Variants in MAN2A1 observed in about 807,000 individuals in gnomAD.
MAN2A1 encodes alpha-mannosidase 2.
MAN2A1 carries 76 observed loss-of-function variants against 142.6 expected under a neutral mutation model. The ratio of observed to expected loss-of-function variants is 0.53; its 90% CI spans 0.44 to 0.65. The LOEUF (loss-of-function observed/expected upper bound fraction) is 0.65. MAN2A1 is among the 30% of genes least tolerant of loss of function. The probability of loss-of-function intolerance (pLI) is 0.00; values close to 1 mark genes in which losing one functional copy is unlikely to be tolerated. For missense variants in MAN2A1, 1,311 were observed against 1,365.1 expected (o/e 0.96, Z 0.62); for synonymous variants, 559 against 473.2 (o/e 1.18, Z -2.35).
At chr5:109,707,133 A>G (rs2112553118) in intron 1 of MAN2A1, among the ~76,000 whole-genome samples, 2 of 152,322 alleles carry the variant, frequency 1.3e-5, no homozygotes, top group African/African-American at 4.8e-5. Flanking sequence ...TCACCAGGTC[A>G]TGGTTGTCAT....
At chr5:109,842,282 C>T (rs1438960485) in intron 16 of MAN2A1, 46 bp from the exon 17 acceptor site, 1 of 1,289,062 alleles carries the variant, frequency 7.8e-7, no homozygotes, top group Non-Finnish European at 1.1e-6. Flanking sequence ...AAAGGTGAGG[C>T]AAGTAATTTC....
rs115641698 is a variant in MAN2A1 at position 109,788,620 on chromosome 5, A to G, written c.1761-314A>G. On this transcript the variant is annotated intron_variant, in intron 10 of 21. Transcript: ENST00000261483. ...ATTGTTTTTTTGATAGAATGCTTCAAAGTTATTGGGGTGATCCTACTGGAT... is the reference window on the plus strand; with the variant it reads ...ATTGTTTTTTTGATAGAATGCTTCAGAGTTATTGGGGTGATCCTACTGGAT... Among the ~76,000 whole-genome samples the G allele has an allele frequency of 1.6e-3, 241 of 151,888 alleles. 1 individual carries two copies. The highest frequency in any genetic ancestry group is 5.2e-3 in the African/African-American group (218 of 41,526).
chr5:109,693,700 AC>A (rs770692702), intron 1 of MAN2A1, among the ~76,000 whole-genome samples: 25 of 151,636 alleles, frequency 1.6e-4, no homozygotes, highest in Non-Finnish European at 3.4e-4. Context: ...AGTTTCTCTC[AC>A]CCCGGAACAG....
chr5:109,722,843 A>G (rs1751642835), intron 3 of MAN2A1, among the ~76,000 whole-genome samples: 3 of 152,198 alleles, frequency 2.0e-5, no homozygotes, highest in Admixed American at 2.0e-4. Context: ...TTTTCTTTCT[A>G]ACAGTGTCTG....
At chr5:109,860,319 TA>T (rs1755723615) in intron 20 of MAN2A1, among the ~76,000 whole-genome samples, 1 of 152,198 alleles carries the variant, frequency 6.6e-6, no homozygotes, top group Admixed American at 6.5e-5. Context: ...ATGAGCACCC[TA>T]AAAAATGAAT....
chr5:109,717,890 T>C (rs1751498294), intron 3 of MAN2A1, among the ~76,000 whole-genome samples: 1 of 152,216 alleles, frequency 6.6e-6, no homozygotes, highest in Admixed American at 6.5e-5. Flanking sequence ...GAGTGCAGAT[T>C]AGTTAGTATA....
chr5:109,782,709 T>C (rs2112668660), intron 9 of MAN2A1, among the ~76,000 whole-genome samples: 1 of 152,246 alleles, frequency 6.6e-6, no homozygotes, highest in South Asian at 2.1e-4. Flanking sequence ...TTAAATACTA[T>C]TTCAAAAGCC....
At chr5:109,707,692 G>A (rs144174539) in intron 1 of MAN2A1, among the ~76,000 whole-genome samples, 1 of 152,270 alleles carries the variant, frequency 6.6e-6, no homozygotes, top group African/African-American at 2.4e-5. Flanking sequence ...CAGAGACCAT[G>A]TACAAAGGTT....
chr5:109,783,249 A>G (rs1753508511), intron 9 of MAN2A1, among the ~76,000 whole-genome samples: 1 of 152,174 alleles, frequency 6.6e-6, no homozygotes, highest in Admixed American at 6.5e-5. Flanking sequence ...AAACCATACA[A>G]TAGTTATGAC....
intron 7 of MAN2A1, among the ~76,000 whole-genome samples, chr5:109,773,631 G>C (rs183666099): frequency 1.3e-5 from 2 of 151,968 alleles, no homozygotes; most frequent in Admixed American, 1.3e-4. Context: ...ACATAAGGAC[G>C]CTGTGGTTAT....
In MAN2A1 at chr5:109,713,677, C is replaced by G. The variant is rs771924257; in HGVS notation, c.293C>G (p.Ala98Gly). Residue 98 changes from alanine (A) to glycine (G), a missense_variant, in exon 2 of 22, where the codon GCT (alanine) becomes GGT (glycine). Coordinates refer to ENST00000261483, the MANE Select transcript of MAN2A1 (RefSeq NM_002372.4). ...KSSQSNFSQG[A>G]GSHLLPSQLS... Reference sequence around the variant, plus strand: ...TCACAAAGCAATTTCAGCCAAGGTGCTGGCTCACATCTTCTGCCCTCACAA... The same window carrying G: ...TCACAAAGCAATTTCAGCCAAGGTGGTGGCTCACATCTTCTGCCCTCACAA... 30 of 1,614,204 alleles carry G rather than the reference C, an allele frequency of 1.9e-5. No individual in the cohort carries two copies. The South Asian group carries it at 2.6e-4, about 14-fold the overall frequency.
intron 4 of MAN2A1, among the ~76,000 whole-genome samples, chr5:109,731,623 G>T (rs10463428): frequency 0.18 from 26,138 of 148,100 alleles, 3,203 homozygotes; most frequent in East Asian, 0.64. Context: ...TTGGTTTTTT[G>T]TCCTTGCGAT....
At chr5:109,800,698 A>AT (rs1473413850) in intron 12 of MAN2A1, among the ~76,000 whole-genome samples, 3 of 152,174 alleles carry the variant, frequency 2.0e-5, no homozygotes, top group Admixed American at 2.0e-4. Context: ...AAATTCTGGG[A>AT]TTTTAACTTA....
chr5:109,709,736 G>A (rs774000939), intron 1 of MAN2A1, among the ~76,000 whole-genome samples: 3 of 152,120 alleles, frequency 2.0e-5, no homozygotes, highest in Admixed American at 6.6e-5. Flanking sequence ...CACTAAAAGC[G>A]GAGTAAATCA....
intron 12 of MAN2A1, among the ~76,000 whole-genome samples, chr5:109,810,560 A>T (rs896481802): frequency 1.3e-5 from 2 of 152,186 alleles, no homozygotes; most frequent in African/African-American, 4.8e-5. Flanking sequence ...TCGTAATGAA[A>T]AAATCAACTG....
intron 16 of MAN2A1, among the ~76,000 whole-genome samples, chr5:109,831,805 ATGTGTGTGTGTGTG>A (rs55738132): frequency 1.0e-4 from 15 of 144,770 alleles, no homozygotes; most frequent in African/African-American, 2.5e-4. Context: ...AACAAAAATC[ATGTGTGTGTGTGTG>A]TGTGTGTGTG....
At chr5:109,810,776 G>A (rs991467947) in intron 12 of MAN2A1, among the ~76,000 whole-genome samples, 11 of 152,128 alleles carry the variant, frequency 7.2e-5, no homozygotes, top group African/African-American at 2.7e-4. Context: ...TTTTTCTGTT[G>A]CCCTCAGGCA....
chr5:109,752,270 A>C lies in MAN2A1; in HGVS notation c.708-3059A>C, dbSNP rs181407239. On this transcript the variant is annotated intron_variant, in intron 4 of 21. Transcript: ENST00000261483. ...CTCATACCTAGATAATTGAAACTTC[A>C]TTCTGACTGACCTTTCTCTTTCTAT... Among the ~76,000 whole-genome samples, 234 of 152,304 alleles carry C rather than the reference A, an allele frequency of 1.5e-3. 2 individuals carry two copies. The highest frequency in any genetic ancestry group is 2.9e-3 in the Admixed American group (44 of 15,292).
intron 12 of MAN2A1, among the ~76,000 whole-genome samples, chr5:109,798,472 C>G (rs772568058): frequency 2.0e-5 from 3 of 152,182 alleles, no homozygotes; most frequent in South Asian, 2.1e-4. Flanking sequence ...CTCCTCTTCC[C>G]TGCTTGAACC....
Sources: allele counts gnomAD v4.1 joint callset (sites outside exome capture counted in the v4.1 genomes callset), GRCh38; gene constraint gnomAD v4.1.1; transcripts MANE v1.5; gene names NCBI Gene and HGNC (gene_info 2026-07-23, HGNC 2026-07-21).